The following DIS3L2 variants were observed in gnomAD, a reference collection of about 807,000 sequenced individuals.
The protein encoded by DIS3L2 is DIS3 like 3'-5' exoribonuclease 2, also known as DIS3-like exonuclease 2.
Under a neutral mutation model 97.5 loss-of-function variants are expected in DIS3L2, and 34 were observed. The observed-to-expected ratio is 0.35, with a 90% CI of 0.27 to 0.46. The LOEUF (loss-of-function observed/expected upper bound fraction) is 0.46, where lower values mean the gene tolerates loss of function less well. DIS3L2 is among the 20% of genes least tolerant of loss of function. DIS3L2 has a pLI of 1.00. For missense variants in DIS3L2, 1,038 were observed against 1,146.0 expected, an observed-to-expected ratio of 0.91 and a Z score of 1.36; for synonymous variants, 435 against 445.2, an observed-to-expected ratio of 0.98 and a Z score of 0.29.
intron 11 of DIS3L2, among the ~76,000 whole-genome samples, chr2:232,247,921 A>G (rs1276354520): frequency 6.6e-6 from 1 of 152,210 alleles, no homozygotes; most frequent in Non-Finnish European, 1.5e-5. Flanking sequence ...TTTCAAAGGT[A>G]GTTGTCTGTA....
chr2:231,966,762 G>A (rs1692733025), intron 1 of DIS3L2, among the ~76,000 whole-genome samples: 1 of 131,388 alleles, frequency 7.6e-6, no homozygotes, highest in Admixed American at 9.1e-5. Flanking sequence ...CTCAAATATT[G>A]GAGTTACAGG....
intron 8 of DIS3L2, among the ~76,000 whole-genome samples, chr2:232,159,072 GTCTTT>G (rs1207733337): frequency 2.0e-5 from 3 of 152,152 alleles, no homozygotes; most frequent in African/African-American, 7.2e-5. Context: ...TGGGACCTGA[GTCTTT>G]AATTGTCTGG....
chr2:232,170,611 T>A (rs1690956626), intron 9 of DIS3L2, among the ~76,000 whole-genome samples: 1 of 152,090 alleles, frequency 6.6e-6, no homozygotes. Flanking sequence ...GCTTTCTCTC[T>A]TTTTTTCCCA....
chr2:231,983,812 C>G (rs1352989265), intron 1 of DIS3L2, among the ~76,000 whole-genome samples: 3 of 151,728 alleles, frequency 2.0e-5, no homozygotes, highest in African/African-American at 4.8e-5. Flanking sequence ...TCGCTTGAAC[C>G]CGGGAGGTGG....
At chr2:232,117,193 G>T (rs142919603) in intron 6 of DIS3L2, among the ~76,000 whole-genome samples, 4 of 152,270 alleles carry the variant, frequency 2.6e-5, no homozygotes, top group Non-Finnish European at 4.4e-5. Flanking sequence ...GTGTAGTGGG[G>T]CCAGGATCCA....
At chr2:232,223,148 C>T (rs538946895) in intron 10 of DIS3L2, among the ~76,000 whole-genome samples, 1 of 152,148 alleles carries the variant, frequency 6.6e-6, no homozygotes, top group Admixed American at 6.5e-5. Flanking sequence ...TCATGAAAGC[C>T]AAGATAATCT....
intron 5 of DIS3L2, among the ~76,000 whole-genome samples, chr2:232,038,954 T>C (rs1463243174): frequency 1.3e-5 from 2 of 152,236 alleles, no homozygotes; most frequent in Admixed American, 1.3e-4. Context: ...CTACAAACTG[T>C]TATCTGTTTA....
At chr2:232,197,695 G>A (rs1354051935) in intron 9 of DIS3L2, among the ~76,000 whole-genome samples, 2 of 152,100 alleles carry the variant, frequency 1.3e-5, no homozygotes, top group East Asian at 1.9e-4. Context: ...CTGGCTGGGC[G>A]CGGTGGCTCA....
chr2:232,219,526 G>A (rs1489975732), intron 10 of DIS3L2, among the ~76,000 whole-genome samples: 1 of 152,028 alleles, frequency 6.6e-6, no homozygotes, highest in Non-Finnish European at 1.5e-5. Flanking sequence ...AAATAAGTCT[G>A]TTTCTTTGGA....
At chr2:232,204,495 G>T (rs1691977897) in intron 9 of DIS3L2, among the ~76,000 whole-genome samples, 1 of 152,036 alleles carries the variant, frequency 6.6e-6, no homozygotes, top group Non-Finnish European at 1.5e-5. Flanking sequence ...AGAAATTTTG[G>T]TTACATAACA....
chr2:232,176,644 A>G (rs1691164964), intron 9 of DIS3L2, among the ~76,000 whole-genome samples: 1 of 151,548 alleles, frequency 6.6e-6, no homozygotes, highest in Non-Finnish European at 1.5e-5. Flanking sequence ...GCTGGAGTGC[A>G]GTTGTGCAAT....
At chr2:232,341,682 G>A (rs1251717503), downstream of DIS3L2, among the ~76,000 whole-genome samples, 1 of 152,216 alleles carries the variant, frequency 6.6e-6, no homozygotes, top group East Asian at 1.9e-4. Context: ...GCTGTGGCTT[G>A]AAGATGACTG....
At chr2:232,191,571 A>G (rs950496595) in intron 9 of DIS3L2, among the ~76,000 whole-genome samples, 11 of 152,242 alleles carry the variant, frequency 7.2e-5, no homozygotes, top group Non-Finnish European at 1.6e-4. Context: ...ATGGATTTGT[A>G]ACTTTGAGGA....
chr2:232,005,170 ATTTTTTTTT>A (rs55757645), intron 1 of DIS3L2, among the ~76,000 whole-genome samples: 7 of 126,562 alleles, frequency 5.5e-5, no homozygotes, highest in African/African-American at 1.8e-4. Context: ...AAGAATCTTG[ATTTTTTTTT>A]TTTTTTTTTT....
chr2:232,127,903 C>T (rs1239410289), intron 6 of DIS3L2, among the ~76,000 whole-genome samples: 1 of 152,114 alleles, frequency 6.6e-6, no homozygotes, highest in African/African-American at 2.4e-5. Flanking sequence ...AATCATATGT[C>T]CTTTCCCCCT....
downstream of DIS3L2, among the ~76,000 whole-genome samples, chr2:232,341,812 CTG>C (rs1325020746): frequency 2.0e-5 from 3 of 152,216 alleles, no homozygotes; most frequent in Non-Finnish European, 4.4e-5. Context: ...CTTCCCCTCT[CTG>C]TCTCTGGAAA....
intron 8 of DIS3L2, among the ~76,000 whole-genome samples, chr2:232,161,224 C>T (rs1369411395): frequency 4.6e-5 from 7 of 151,924 alleles, no homozygotes; most frequent in African/African-American, 1.7e-4. Context: ...CCTATTTGTT[C>T]ATTTTCTATT....
At chr2:232,156,807 C>T (rs527704754) in intron 8 of DIS3L2, among the ~76,000 whole-genome samples, 9 of 152,176 alleles carry the variant, frequency 5.9e-5, no homozygotes, top group South Asian at 4.2e-4. Flanking sequence ...TGTTTCTTTT[C>T]GTATTAGTGT....
intron 1 of DIS3L2, among the ~76,000 whole-genome samples, chr2:231,961,976 C>T (rs1160768971): frequency 2.6e-5 from 4 of 152,248 alleles, no homozygotes; most frequent in Non-Finnish European, 5.9e-5. Context: ...CAGCTCCCCA[C>T]TCTCCGCTCC....
Sources: allele counts gnomAD v4.1 joint callset (sites outside exome capture counted in the v4.1 genomes callset), GRCh38; gene constraint gnomAD v4.1.1; transcripts MANE v1.5; gene names NCBI Gene and HGNC (gene_info 2026-07-23, HGNC 2026-07-21).